TRAPPC8: variants seen among roughly 807,000 people sequenced by gnomAD.
TRAPPC8 encodes the protein general sporulation gene 1 homolog.
A neutral mutation model predicts 174.3 loss-of-function variants in TRAPPC8; 54 were observed. The ratio of observed to expected loss-of-function variants is 0.31; its 90% CI spans 0.25 to 0.39. The LOEUF (loss-of-function observed/expected upper bound fraction) is 0.39. Ranked by LOEUF, TRAPPC8 falls within the 10% of genes least tolerant of loss-of-function variation. The probability of loss-of-function intolerance (pLI) is 1.00; values close to 1 mark genes in which losing one functional copy is unlikely to be tolerated. For synonymous variants in TRAPPC8, 630 were observed against 579.9 expected (o/e 1.09, Z -1.24); for missense variants, 1,531 against 1,699.1 (o/e 0.90, Z 1.74).
At chr18:31,836,361 CA>C (rs1194633609) in intron 27 of TRAPPC8, among the ~76,000 whole-genome samples, 5 of 152,140 alleles carry the variant, frequency 3.3e-5, no homozygotes, top group African/African-American at 1.2e-4. Flanking sequence ...TTAGTTTGAT[CA>C]AAACTTTCCT....
At chr18:31,834,984 A>C (rs941449370) in intron 27 of TRAPPC8, among the ~76,000 whole-genome samples, 1 of 152,246 alleles carries the variant, frequency 6.6e-6, no homozygotes, top group African/African-American at 2.4e-5. Flanking sequence ...ATTTCTTCCA[A>C]CATCTTCCAT....
In TRAPPC8 at chr18:31,864,660, A is replaced by G. The variant is rs1337592847; in HGVS notation, c.2712T>C (p.Asp904=). 1.2e-6 allele frequency: 2 copies of G among 1,612,726 alleles called. No homozygotes were observed. The highest frequency in any genetic ancestry group is 2.7e-5 in the African/African-American group (2 of 74,838). ...SVKYGPDRRL[D]PIITEEMPLL... is the part of the protein sequence containing the mutation. ...GTGGCATTTCTTCTGTGATTATGGG[A>G]TCTAAACGTCGATCAGGGCCATATT... Residue 904 remains aspartate (D), a synonymous_variant, in exon 19 of 29, where the codon GAT becomes GAC. Transcript: ENST00000283351.
intron 12 of TRAPPC8, among the ~76,000 whole-genome samples, chr18:31,884,344 G>C (rs1024641923): frequency 6.6e-6 from 1 of 152,216 alleles, no homozygotes; most frequent in South Asian, 2.1e-4. Context: ...GCACTGGCCT[G>C]AATGGAAATA....
At chr18:31,927,038 G>T (rs551066676) in intron 2 of TRAPPC8, among the ~76,000 whole-genome samples, 1 of 152,130 alleles carries the variant, frequency 6.6e-6, no homozygotes, top group African/African-American at 2.4e-5. Flanking sequence ...GGTGGGGCAA[G>T]GTACAGATCA....
chr18:31,907,469 A>AG lies in TRAPPC8; in HGVS notation c.1379dup (p.Gly461TrpfsTer18). On this transcript the variant is annotated frameshift_variant, in exon 9 of 29. Transcript: ENST00000283351. LOFTEE classifies it high-confidence loss of function. ...ACCATAGAATACCAACCAAGGCACC[A>AG]GCTGCATAAAGCATTGCTTGATCAT... 1 of 1,595,288 alleles carries AG rather than the reference A, an allele frequency of 6.3e-7. No homozygotes were observed. Among genetic ancestry groups the AG allele is most frequent in the Non-Finnish European group, 8.6e-7 (1 of 1,169,448 alleles).
Position 31,908,298 on chromosome 18 carries a change from C to A in TRAPPC8, c.1238+5G>T. 6.3e-7 allele frequency: 1 copy of A among 1,582,624 alleles called. No homozygotes were observed. Among genetic ancestry groups the A allele is most frequent in the Non-Finnish European group, 8.6e-7 (1 of 1,163,484 alleles). On this transcript the variant is annotated splice_donor_5th_base_variant and intron_variant, in intron 8 of 28. Transcript: ENST00000283351. The stretch of plus-strand genomic sequence containing the variant: ...GAAAAACAAAAATGATAACACTTTA[C>A]TCACAGCAAGCCAGATGTATTTTTC...
chr18:31,906,654 A>G (rs371704057), intron 9 of TRAPPC8, among the ~76,000 whole-genome samples: 1 of 152,352 alleles, frequency 6.6e-6, no homozygotes, highest in Non-Finnish European at 1.5e-5. Context: ...GATTACACAT[A>G]TATCTGTGGT....
intron 11 of TRAPPC8, among the ~76,000 whole-genome samples, chr18:31,892,643 AAGT>A (rs1463698063): frequency 6.6e-6 from 1 of 152,202 alleles, no homozygotes; most frequent in African/African-American, 2.4e-5. Flanking sequence ...GCTACAAAAA[AAGT>A]AGCACCAATA....
Position 31,908,819 on chromosome 18 carries a change from G to A in TRAPPC8, c.1057C>T (p.Gln353Ter). 1 of 1,613,588 alleles carries A rather than the reference G, an allele frequency of 6.2e-7. No individual in the cohort carries two copies. The highest frequency in any genetic ancestry group is 8.5e-7 in the Non-Finnish European group (1 of 1,179,702). ...TDHDRIRQFI[Q>*]EFTFRGLLPH... ...AAAAGGCCCCGAAATGTGAACTCTTGTATAAACTGTCGAATTCTATCATGA... is the reference window on the plus strand; with the variant it reads ...AAAAGGCCCCGAAATGTGAACTCTTATATAAACTGTCGAATTCTATCATGA... Residue 353 changes from glutamine to a stop codon, truncating the protein, a stop_gained, in exon 7 of 29, where the codon CAA (glutamine) becomes TAA (stop). Transcript: ENST00000283351. LOFTEE classifies it high-confidence loss of function.
At chr18:31,923,748 T>TAAAA (rs3980939) in intron 2 of TRAPPC8, among the ~76,000 whole-genome samples, 1 of 141,414 alleles carries the variant, frequency 7.1e-6, no homozygotes, top group Admixed American at 7.1e-5. Context: ...GGAAAGAAGC[T>TAAAA]AAAAAAAAAA....
At chr18:31,906,623 CTT>C (rs2145469933) in intron 9 of TRAPPC8, among the ~76,000 whole-genome samples, 1 of 152,266 alleles carries the variant, frequency 6.6e-6, no homozygotes, top group East Asian at 1.9e-4. Context: ...TAATTTTACT[CTT>C]TTCTGAACAC....
At chr18:31,915,322 G>A (rs376731503) in intron 4 of TRAPPC8, among the ~76,000 whole-genome samples, 7 of 151,614 alleles carry the variant, frequency 4.6e-5, no homozygotes, top group South Asian at 2.1e-4. Context: ...TTAGCCGGGC[G>A]TAGTGTCATG....
chr18:31,880,117 ATATATTTTT>A (rs1429851648), intron 12 of TRAPPC8, among the ~76,000 whole-genome samples: 12 of 106,792 alleles, frequency 1.1e-4, no homozygotes, highest in African/African-American at 1.9e-4. Context: ...ATATATATAT[ATATATTTTT>A]TTTTTTTTAA....
intron 12 of TRAPPC8, among the ~76,000 whole-genome samples, chr18:31,877,737 A>C (rs1192557577): frequency 6.6e-6 from 1 of 151,664 alleles, no homozygotes; most frequent in Non-Finnish European, 1.5e-5. Flanking sequence ...CAGCCTGACC[A>C]ACATGGTGAA....
At chr18:31,868,555 A>G (rs2034693713) in intron 16 of TRAPPC8, among the ~76,000 whole-genome samples, 1 of 152,224 alleles carries the variant, frequency 6.6e-6, no homozygotes, top group Non-Finnish European at 1.5e-5. Context: ...GAAAAATTGC[A>G]GAAGTTGCTA....
chr18:31,911,045 CATTTAG>C (rs1265344969), intron 5 of TRAPPC8, among the ~76,000 whole-genome samples: 3 of 152,110 alleles, frequency 2.0e-5, no homozygotes, highest in Non-Finnish European at 4.4e-5. Flanking sequence ...GATAGCACTA[CATTTAG>C]ATTTAAAGAT....
chr18:31,940,927 C>T (rs1487753573), intron 1 of TRAPPC8, among the ~76,000 whole-genome samples: 1 of 103,504 alleles, frequency 9.7e-6, no homozygotes, highest in East Asian at 2.1e-4. Context: ...TTGAGTCACA[C>T]TGCCTGTTTC....
chr18:31,864,848 A>G (rs2291239), intron 18 of TRAPPC8, 67 bp from the exon 19 acceptor site: 376,714 of 1,332,044 alleles, frequency 0.28, 56,989 homozygotes, highest in South Asian at 0.53. Flanking sequence ...TTTAACTTGA[A>G]TATGTGAATA....
intron 12 of TRAPPC8, among the ~76,000 whole-genome samples, chr18:31,886,344 GGA>G (rs375601904): frequency 0.41 from 29,009 of 70,812 alleles, 3,435 homozygotes; most frequent in Middle Eastern, 0.54. Context: ...TGTTTCTTGA[GGA>G]AAAAAAAAAA....
Sources: gnomAD v4.1 joint callset for allele counts (sites outside exome capture counted in the v4.1 genomes callset) on GRCh38, gnomAD v4.1.1 for gene constraint, MANE v1.5 for transcripts, NCBI Gene and HGNC (gene_info 2026-07-23, HGNC 2026-07-21) for gene names.